The following FBLN7 variants were observed in gnomAD, a reference collection of about 807,000 sequenced individuals.
FBLN7 encodes the protein fibulin 7, also known as fibulin-7.
FBLN7 carries 31 observed loss-of-function variants against 44.0 expected under a neutral mutation model. That is an observed-to-expected ratio of 0.70 (90% confidence interval 0.53 to 0.95). FBLN7 has a LOEUF of 0.95. Among genes scored for constraint, FBLN7 ranks in the 40% least tolerant of loss-of-function variants. The pLI, the probability that FBLN7 is intolerant of heterozygous loss-of-function variation, is 0.00. For synonymous variants in FBLN7, 262 were observed against 253.4 expected (o/e 1.03, Z -0.32); for missense variants, 573 against 618.5 (o/e 0.93, Z 0.78).
At chr2:112,182,951 G>A (rs1683079746) in intron 6 of FBLN7, 23 bp downstream of exon 6, 4 of 1,608,560 alleles carry the variant, frequency 2.5e-6, no homozygotes, top group Non-Finnish European at 2.5e-6. Context: ...ACAGAGTGTC[G>A]TCTGCACCCA....
chr2:112,227,722 C>A, the FBLN7 span, among the ~76,000 whole-genome samples: 1 of 152,100 alleles, frequency 6.6e-6, no homozygotes, highest in Admixed American at 6.5e-5. Context: ...CAATTCCATT[C>A]AATAGCATCA....
At chr2:112,203,986 G>A in the FBLN7 span, among the ~76,000 whole-genome samples, 2 of 151,954 alleles carry the variant, frequency 1.3e-5, no homozygotes, top group Non-Finnish European at 2.9e-5. Context: ...ATTTGGGTGA[G>A]GACACAGCCA....
the FBLN7 span, among the ~76,000 whole-genome samples, chr2:112,224,891 G>T: frequency 2.6e-5 from 4 of 152,184 alleles, no homozygotes; most frequent in East Asian, 1.9e-4. Context: ...TTTATTGATT[G>T]TGGTGGTAGC....
At chr2:112,238,992 ACACTT>A in the FBLN7 span, among the ~76,000 whole-genome samples, 2 of 152,262 alleles carry the variant, frequency 1.3e-5, no homozygotes, top group Non-Finnish European at 2.9e-5. Context: ...AAACCCACTT[ACACTT>A]AAGATACATC....
intron 3 of FBLN7, 87 bp downstream of exon 3, chr2:112,165,258 C>T: frequency 6.8e-7 from 1 of 1,474,182 alleles, no homozygotes; most frequent in Non-Finnish European, 9.1e-7. Flanking sequence ...TTCCTTGGAA[C>T]ATTTTCTGCT....
At chr2:112,193,673 C>T in the FBLN7 span, among the ~76,000 whole-genome samples, 9 of 152,070 alleles carry the variant, frequency 5.9e-5, no homozygotes, top group Non-Finnish European at 1.3e-4. Flanking sequence ...GTATATCATC[C>T]ACGTCACTTG....
At chr2:112,221,417 A>T in the FBLN7 span, among the ~76,000 whole-genome samples, 1 of 152,118 alleles carries the variant, frequency 6.6e-6, no homozygotes, top group Non-Finnish European at 1.5e-5. Flanking sequence ...GTCTGTAAGT[A>T]AGTTTCCTGA....
the FBLN7 span, among the ~76,000 whole-genome samples, chr2:112,217,765 G>C: frequency 6.6e-6 from 1 of 152,086 alleles, no homozygotes; most frequent in African/African-American, 2.4e-5. Context: ...TTTTATCATT[G>C]ATGACAAATA....
chr2:112,165,103 T>A lies in FBLN7; in HGVS notation c.338T>A (p.Leu113Gln). 6.2e-7 allele frequency: 1 copy of A among 1,614,212 alleles called. No individual in the cohort carries two copies. The highest frequency in any genetic ancestry group is 8.5e-7 in the Non-Finnish European group (1 of 1,180,044). The change falls in exon 3 of 8, where the codon CTG (leucine) becomes CAG (glutamine). Residue 113 changes from leucine (L) to glutamine (Q), a missense_variant. Leu to Gln is a moderately radical substitution (Grantham distance 113, BLOSUM62 -2). Coordinates refer to ENST00000331203, the MANE Select transcript of FBLN7 (RefSeq NM_153214.3). ...TTTACCTGCAACCCTGGGTTCCGGC[T>A]GGTCGGGCCCAGCAGCGTGGTGTGT... ...VHFTCNPGFRLVGPSSVVCLP... is the reference protein window; with the variant it reads ...VHFTCNPGFRQVGPSSVVCLP...
the FBLN7 span, among the ~76,000 whole-genome samples, chr2:112,197,815 C>CA: frequency 3.9e-5 from 6 of 152,204 alleles, no homozygotes; most frequent in Non-Finnish European, 8.8e-5. Flanking sequence ...AGGGCAGAGT[C>CA]ATACTGGGAC....
chr2:112,243,622 AATT>A, the FBLN7 span, among the ~76,000 whole-genome samples: 14,701 of 152,176 alleles, frequency 0.097, 966 homozygotes, highest in East Asian at 0.33. Context: ...ATTAAAAAAC[AATT>A]ATTATTATGT....
At chr2:112,225,653 CT>C in the FBLN7 span, among the ~76,000 whole-genome samples, 5 of 152,090 alleles carry the variant, frequency 3.3e-5, no homozygotes, top group Non-Finnish European at 7.4e-5. Flanking sequence ...TTAGTCTCTA[CT>C]AAAAATACAA....
chr2:112,234,513 T>A, the FBLN7 span, among the ~76,000 whole-genome samples: 1 of 152,178 alleles, frequency 6.6e-6, no homozygotes, highest in African/African-American at 2.4e-5. Context: ...AAAAATTTTT[T>A]AAATGGGCCA....
At chr2:112,198,177 G>A in the FBLN7 span, among the ~76,000 whole-genome samples, 4 of 152,076 alleles carry the variant, frequency 2.6e-5, no homozygotes, top group Non-Finnish European at 4.4e-5. Flanking sequence ...CAGCTGATTC[G>A]GCTCTTACCC....
chr2:112,146,239 G>A (rs1396604717), intron 1 of FBLN7, among the ~76,000 whole-genome samples: 6 of 152,182 alleles, frequency 3.9e-5, no homozygotes. Flanking sequence ...AGAATTGCTT[G>A]AACCCGGGAG....
chr2:112,182,697 T>C (rs1683063520), intron 5 of FBLN7, 94 bp from the exon 6 acceptor site: 2 of 1,463,784 alleles, frequency 1.4e-6, no homozygotes, highest in Non-Finnish European at 9.1e-7. Context: ...CAGCTGCCAC[T>C]GCCTCCAGGA....
At chr2:112,225,588 G>A in the FBLN7 span, among the ~76,000 whole-genome samples, 9 of 152,086 alleles carry the variant, frequency 5.9e-5, no homozygotes, top group Admixed American at 3.9e-4. Context: ...AGGCTGAGGC[G>A]GGCAGATCAC....
intron 1 of FBLN7, among the ~76,000 whole-genome samples, chr2:112,153,763 A>G (rs908263615): frequency 2.0e-5 from 3 of 152,262 alleles, no homozygotes; most frequent in Admixed American, 6.5e-5. Flanking sequence ...CCATCCTGCA[A>G]GTGGTAGTTG....
chr2:112,206,540 G>A, the FBLN7 span, among the ~76,000 whole-genome samples: 1 of 152,018 alleles, frequency 6.6e-6, no homozygotes, highest in Non-Finnish European at 1.5e-5. Context: ...TTGTGCCTCA[G>A]CCTCCCAAGT....
Sources: allele counts gnomAD v4.1 joint callset (sites outside exome capture counted in the v4.1 genomes callset), GRCh38; gene constraint gnomAD v4.1.1; transcripts MANE v1.5; gene names NCBI Gene and HGNC (gene_info 2026-07-23, HGNC 2026-07-21).